Variants in INTS14 observed in about 807,000 individuals in gnomAD.
INTS14 encodes the protein integrator complex subunit 14, also known as UPF0464 protein C15orf44.
In INTS14, 27 loss-of-function variants were observed where a neutral mutation model predicts 56.9. The observed-to-expected ratio is 0.47, with a 90% confidence interval of 0.35 to 0.65. The LOEUF is 0.65. INTS14 is among the 30% of genes least tolerant of loss of function. The pLI, the probability that INTS14 is intolerant of heterozygous loss-of-function variation, is 0.00. For missense variants in INTS14, 517 were observed against 632.2 expected (o/e 0.82, Z 1.95); for synonymous variants, 207 against 236.2 (o/e 0.88, Z 1.13).
At chr15:65,600,152 A>G (rs892955971) in intron 3 of INTS14, among the ~76,000 whole-genome samples, 6 of 150,402 alleles carry the variant, frequency 4.0e-5, no homozygotes, top group East Asian at 1.9e-4. Flanking sequence ...AAAAACTTAG[A>G]AAAAAAAAAT....
At chr15:65,601,013 A>G (rs1165921400) in intron 3 of INTS14, among the ~76,000 whole-genome samples, 1 of 152,230 alleles carries the variant, frequency 6.6e-6, no homozygotes, top group African/African-American at 2.4e-5. Context: ...GCTCCTAGGA[A>G]GTACCAGCAC....
intron 9 of INTS14, among the ~76,000 whole-genome samples, chr15:65,587,186 G>T (rs1418983474): frequency 1.3e-5 from 2 of 151,916 alleles, no homozygotes; most frequent in Non-Finnish European, 2.9e-5. Context: ...AAATATACAA[G>T]ATTTCAAAAT....
chr15:65,598,590 A>C (rs2073305071), intron 5 of INTS14, 127 bp from the exon 6 acceptor site: 2 of 1,037,770 alleles, frequency 1.9e-6, no homozygotes, highest in East Asian at 5.2e-5. Context: ...TCTGTAAAAC[A>C]GAACAAAATC....
chr15:65,610,369 G>A (rs1188274318), intron 1 of INTS14, among the ~76,000 whole-genome samples: 1 of 152,044 alleles, frequency 6.6e-6, no homozygotes, highest in Non-Finnish European at 1.5e-5. Context: ...GGGTGGGGGG[G>A]AATCCCTGCC....
At chr15:65,588,592 T>C (rs760564687) in intron 9 of INTS14, among the ~76,000 whole-genome samples, 3 of 151,314 alleles carry the variant, frequency 2.0e-5, no homozygotes, top group Admixed American at 6.6e-5. Flanking sequence ...TGCTTGAACC[T>C]GGGAGGTGAA....
Position 65,607,270 on chromosome 15 carries a change from C to T in INTS14, c.111G>A (p.Met37Ile). The T allele has an allele frequency of 6.2e-7, 1 of 1,614,184 alleles. No individual in the cohort carries two copies. The highest frequency in any genetic ancestry group is 8.5e-7 in the Non-Finnish European group (1 of 1,180,026). The change falls in exon 2 of 12, where the codon ATG (methionine) becomes ATA (isoleucine). Residue 37 changes from methionine to isoleucine, a missense_variant. Physicochemically the swap from Met to Ile is conservative, Grantham distance 10. Transcript: ENST00000313182. ...RKHLAAHGLTMLFEHMATNYK... is the reference protein window; with the variant it reads ...RKHLAAHGLTILFEHMATNYK... ...AATTTGTGGCCATGTGCTCAAACAG[C>T]ATCGTTAAACCATGGGCTGCTAGGT...
intron 4 of INTS14, 35 bp from the exon 5 acceptor site, chr15:65,599,025 G>A: frequency 6.7e-7 from 1 of 1,499,010 alleles, no homozygotes; most frequent in Non-Finnish European, 9.2e-7. Flanking sequence ...TAAAGTGGCT[G>A]GCACAAAATG....
intron 4 of INTS14, 122 bp downstream of exon 4, chr15:65,599,652 G>T: frequency 9.0e-7 from 1 of 1,111,842 alleles, no homozygotes; most frequent in Non-Finnish European, 1.2e-6. Context: ...ACCAGCCTCA[G>T]CTGAAACCAA....
chr15:65,586,266 C>G (rs1254929169), intron 9 of INTS14, among the ~76,000 whole-genome samples: 1 of 152,192 alleles, frequency 6.6e-6, no homozygotes, highest in Non-Finnish European at 1.5e-5. Flanking sequence ...TATAGCAACT[C>G]TAGAGCGAAG....
Position 65,599,582 on chromosome 15 carries a change from T to G in INTS14, c.486+192A>C, listed in dbSNP as rs191131263. 3.0e-5 allele frequency: 17 copies of G among 562,554 alleles called. No individual in the cohort carries two copies. In the East Asian group the frequency reaches 5.2e-4, roughly 17 times the overall value. 34.8% of individuals were successfully genotyped at this position (562,554 alleles called of 1,614,324 possible). On this transcript the variant is annotated intron_variant, in intron 4 of 11. Coordinates refer to ENST00000313182, the MANE Select transcript of INTS14 (RefSeq NM_001394796.1). ...AACAACTCCAGCTATGTTCCCCAGA[T>G]GAGGCAACACTCTGAAATTTCAAAG...
intron 11 of INTS14, among the ~76,000 whole-genome samples, chr15:65,581,547 CAAAAAAAAAAAAAAAA>C (rs57782914): frequency 5.2e-4 from 25 of 47,776 alleles, no homozygotes; most frequent in East Asian, 5.2e-3. Context: ...GACTCCATCT[CAAAAAAAAAAAAAAAA>C]AAAAAAAAAA....
At chr15:65,606,252 C>CAAAAAAAAA (rs372473798) in intron 2 of INTS14, among the ~76,000 whole-genome samples, 135 of 62,404 alleles carry the variant, frequency 2.2e-3, no homozygotes, top group Non-Finnish European at 4.1e-3. Flanking sequence ...GACTCCGTCT[C>CAAAAAAAAA]AAAAAAAAAA....
rs1272351441 is a variant in INTS14 at position 65,579,309 on chromosome 15, C to T, written c.*99G>A. 1 of 1,511,370 alleles carries T rather than the reference C, an allele frequency of 6.6e-7. No homozygotes were observed. Among genetic ancestry groups the T allele is most frequent in the Non-Finnish European group, 8.9e-7 (1 of 1,122,034 alleles). 93.6% of individuals were successfully genotyped at this position (1,511,370 alleles called of 1,614,324 possible). Reference sequence around the variant, plus strand: ...GCTTCTGAGGCAGCCTCAGGAAGGTCTTTGGGTGGCTATTCTAGAGGTGAA... The same window carrying T: ...GCTTCTGAGGCAGCCTCAGGAAGGTTTTTGGGTGGCTATTCTAGAGGTGAA... On this transcript the variant is annotated 3_prime_UTR_variant, in exon 12 of 12. Transcript: ENST00000313182.
At chr15:65,607,929 T>C (rs1015478798) in intron 1 of INTS14, among the ~76,000 whole-genome samples, 1 of 152,130 alleles carries the variant, frequency 6.6e-6, no homozygotes, top group African/African-American at 2.4e-5. Context: ...ATGCCAAATA[T>C]AAAAATGAAA....
At chr15:65,609,390 T>C (rs2073777485) in intron 1 of INTS14, among the ~76,000 whole-genome samples, 1 of 151,682 alleles carries the variant, frequency 6.6e-6, no homozygotes, top group Non-Finnish European at 1.5e-5. Context: ...TCAAGCAGTA[T>C]AGGCCCGACT....
rs2073927452 is a variant in INTS14 at position 65,611,100 on chromosome 15, C to T, written c.-65G>A. 6.5e-7 allele frequency: 1 copy of T among 1,535,648 alleles called. No individual in the cohort carries two copies. ...GGGCCCTCGGCCTCCCCACTCACCC[C>T]GTGCCCATCGCCGGACACAGTCCGT... is the stretch of plus-strand genomic sequence containing the variant. On this transcript the variant is annotated splice_region_variant and 5_prime_UTR_variant, in exon 1 of 12. Transcript: ENST00000313182.
Position 65,598,423 on chromosome 15 carries a change from G to C in INTS14, c.646C>G (p.Leu216Val). ...TCAGCAGTTAGGTGGCCACACTTGAGAACAGCATGGAAAGGCGTATATGCC... is the reference window on the plus strand; with the variant it reads ...TCAGCAGTTAGGTGGCCACACTTGACAACAGCATGGAAAGGCGTATATGCC... ...DLAYTPFHAV[L>V]KCGHLTADVQ... Residue 216 changes from leucine to valine, a missense_variant, in exon 6 of 12, where the codon CTC (leucine) becomes GTC (valine). By Grantham distance (32) the Leu-to-Val change is conservative. Transcript: ENST00000313182. The C allele has an allele frequency of 1.2e-6, 2 of 1,614,008 alleles. No individual in the cohort carries two copies. Among genetic ancestry groups the C allele is most frequent in the Non-Finnish European group, 1.7e-6 (2 of 1,179,928 alleles).
At chr15:65,595,016 G>C (rs777703019) in intron 7 of INTS14, among the ~76,000 whole-genome samples, 16 of 152,146 alleles carry the variant, frequency 1.1e-4, no homozygotes, top group Non-Finnish European at 2.2e-4. Context: ...ACAGTTCTTA[G>C]AGAAAGCTGA....
At chr15:65,590,671 C>A (rs996719282) in intron 9 of INTS14, among the ~76,000 whole-genome samples, 3 of 152,222 alleles carry the variant, frequency 2.0e-5, no homozygotes, top group African/African-American at 7.2e-5. Flanking sequence ...ATCATCATCT[C>A]CTCCAGGCTA....
Sources: allele counts gnomAD v4.1 joint callset (sites outside exome capture counted in the v4.1 genomes callset), GRCh38; gene constraint gnomAD v4.1.1; transcripts MANE v1.5; gene names NCBI Gene and HGNC (gene_info 2026-07-23, HGNC 2026-07-21).